The following CDH13 variants were observed in gnomAD, a reference collection of about 807,000 sequenced individuals.
CDH13 encodes the protein cadherin-13.
A neutral mutation model predicts 63.8 loss-of-function variants in CDH13; 24 were observed. The ratio of observed to expected loss-of-function variants is 0.38; its 90% CI spans 0.27 to 0.53. CDH13 has a LOEUF of 0.53. Among genes scored for constraint, CDH13 ranks in the 20% least tolerant of loss-of-function variants. The probability of loss-of-function intolerance (pLI) is 0.85; values close to 1 mark genes in which losing one functional copy is unlikely to be tolerated. For synonymous variants in CDH13, 503 were observed against 355.3 expected (o/e 1.42, Z -4.67); for missense variants, 1,049 against 903.1 (o/e 1.16, Z -2.07).
At chr16:82,835,876 T>G (rs1846471899) in intron 1 of CDH13, among the ~76,000 whole-genome samples, 1 of 152,174 alleles carries the variant, frequency 6.6e-6, no homozygotes, top group African/African-American at 2.4e-5. Flanking sequence ...ATGTATGTCT[T>G]GATCACACCA....
chr16:82,724,970 A>C (rs1191600438), intron 1 of CDH13, among the ~76,000 whole-genome samples: 1 of 152,246 alleles, frequency 6.6e-6, no homozygotes, highest in Non-Finnish European at 1.5e-5. Context: ...TAAAGATTAA[A>C]TAAGATGGCT....
Position 83,052,764 on chromosome 16 carries a change from G to A in CDH13, c.366+20546G>A, listed in dbSNP as rs184445013. Among the ~76,000 whole-genome samples, 785 of 114,156 alleles carry A rather than the reference G, an allele frequency of 6.9e-3. 21 individuals carry two copies. Among genetic ancestry groups the A allele is most frequent in the Admixed American group, 0.052 (496 of 9,558 alleles). 74.9% of individuals were successfully genotyped at this position (114,156 alleles called of 152,430 possible). A position where few individuals can be genotyped will look rare whatever the true frequency, so the allele number is the denominator to read the frequency against. On this transcript the variant is annotated intron_variant, in intron 3 of 13. Transcript: ENST00000567109. ...TGCACTCCAGCCTGGGTGACAGGGC[G>A]AGACTTTATCTCAAAAAAAAAAAAA...
intron 1 of CDH13, among the ~76,000 whole-genome samples, chr16:82,693,939 G>T (rs1163467499): frequency 1.3e-5 from 2 of 152,190 alleles, no homozygotes; most frequent in African/African-American, 4.8e-5. Flanking sequence ...CTAAGGTACA[G>T]TGAAGGCCTG....
At chr16:82,985,103 T>G (rs1398262584) in intron 2 of CDH13, among the ~76,000 whole-genome samples, 1 of 152,216 alleles carries the variant, frequency 6.6e-6, no homozygotes, top group Non-Finnish European at 1.5e-5. Flanking sequence ...GGTCAGTAAG[T>G]AATAGTAGTT....
At chr16:83,654,966 C>T (rs1386366593) in intron 8 of CDH13, 1 of 152,264 alleles carries the variant, frequency 6.6e-6, no homozygotes, top group African/African-American at 2.4e-5. Flanking sequence ...CATCAGCCCA[C>T]CTGCTTCCTG....
intron 6 of CDH13, chr16:83,397,910 G>A (rs2091911804): frequency 6.6e-6 from 1 of 152,190 alleles, no homozygotes; most frequent in South Asian, 2.1e-4. Flanking sequence ...GAACTGACCT[G>A]GAACAATTTA....
rs1293907878 is a variant in CDH13, at chr16:83,637,272, G to A, written c.1102-33518G>A. ...GATCTCGGGAGGAGCCAAGATGGCC[G>A]AATAGGAACAGCTCCGGTCTACAGC... is the stretch of plus-strand genomic sequence containing the variant. On this transcript the variant is annotated intron_variant, in intron 8 of 13. Coordinates refer to ENST00000567109, the MANE Select transcript of CDH13 (RefSeq NM_001257.5). 3.8e-5 allele frequency among the ~76,000 whole-genome samples: 4 copies of A among 103,906 alleles called. 1 individual carries two copies. Among genetic ancestry groups the A allele is most frequent in the Non-Finnish European group, 5.6e-5 (3 of 53,292 alleles). 68.2% of individuals were successfully genotyped at this position (103,906 alleles called of 152,430 possible).
At chr16:83,263,742 A>G (rs560225484) in intron 5 of CDH13, among the ~76,000 whole-genome samples, 3 of 152,204 alleles carry the variant, frequency 2.0e-5, no homozygotes, top group African/African-American at 7.2e-5. Flanking sequence ...AGGCAGGGAG[A>G]GTGGCAGAGA....
At chr16:83,023,290 T>C (rs1915509093) in intron 2 of CDH13, among the ~76,000 whole-genome samples, 1 of 149,164 alleles carries the variant, frequency 6.7e-6, no homozygotes. Context: ...CCAGGTGGGG[T>C]GTTTTCACTA....
At position 82,685,965 on chromosome 16, in the gene CDH13, G is replaced by A. The variant is rs576704155; in HGVS notation, c.45+58828G>A. On this transcript the variant is annotated intron_variant, in intron 1 of 13. Coordinates refer to ENST00000567109, the MANE Select transcript of CDH13 (RefSeq NM_001257.5). ...TCTAGTGGTTAAATCATGATGAATA[G>A]GCACAGAGAGCTGATAATTAAGGTA... Among the ~76,000 whole-genome samples the A allele has an allele frequency of 1.9e-3, 287 of 152,254 alleles. 1 individual carries two copies. The highest frequency in any genetic ancestry group is 6.7e-3 in the African/African-American group (279 of 41,540).
chr16:83,057,858 T>C (rs8044036), intron 3 of CDH13, among the ~76,000 whole-genome samples: 22,574 of 152,182 alleles, frequency 0.15, 1,764 homozygotes, highest in Middle Eastern at 0.17. Flanking sequence ...GAAAGAAAAA[T>C]GCTGACGCTT....
intron 2 of CDH13, among the ~76,000 whole-genome samples, chr16:82,936,684 G>A (rs2042677778): frequency 6.6e-6 from 1 of 152,122 alleles, no homozygotes; most frequent in African/African-American, 2.4e-5. Context: ...CGTTCATATT[G>A]AAACATTTGT....
At chr16:82,782,807 G>T (rs1317211489) in intron 1 of CDH13, among the ~76,000 whole-genome samples, 2 of 152,190 alleles carry the variant, frequency 1.3e-5, no homozygotes, top group African/African-American at 2.4e-5. Flanking sequence ...AATCCTGACA[G>T]GAGCAGGCTG....
chr16:82,898,062 C>T (rs1341938021), intron 2 of CDH13, among the ~76,000 whole-genome samples: 1 of 152,094 alleles, frequency 6.6e-6, no homozygotes, highest in South Asian at 2.1e-4. Flanking sequence ...ATATACAGTT[C>T]TCAAAGAGTG....
chr16:83,216,443 T>TACACATAC (rs1555513922), intron 4 of CDH13, among the ~76,000 whole-genome samples: 3 of 93,418 alleles, frequency 3.2e-5, no homozygotes, highest in African/African-American at 1.2e-4. Flanking sequence ...TATATATATA[T>TACACATAC]ACACAACCCT....
intron 4 of CDH13, among the ~76,000 whole-genome samples, chr16:83,159,738 C>A (rs1477703963): frequency 6.6e-6 from 1 of 152,140 alleles, no homozygotes; most frequent in East Asian, 1.9e-4. Flanking sequence ...GCCTGTCAAG[C>A]ATATAAAACT....
chr16:83,200,154 A>G (rs7198281), intron 4 of CDH13, among the ~76,000 whole-genome samples: 25,872 of 152,014 alleles, frequency 0.17, 2,569 homozygotes, highest in African/African-American at 0.25. Context: ...CTCAGAGTCT[A>G]TGTGGTGCTG....
At chr16:83,421,275 C>T (rs1409916356) in intron 6 of CDH13, among the ~76,000 whole-genome samples, 1 of 152,032 alleles carries the variant, frequency 6.6e-6, no homozygotes, top group East Asian at 1.9e-4. Context: ...ATTGTTTAAG[C>T]TATATTAAGC....
chr16:82,775,753 C>T (rs1003412705), intron 1 of CDH13, among the ~76,000 whole-genome samples: 2 of 152,180 alleles, frequency 1.3e-5, no homozygotes, highest in African/African-American at 4.8e-5. Flanking sequence ...AAGCTCTGAG[C>T]ACAGGGCCAG....
Sources: gnomAD v4.1 joint callset for allele counts (sites outside exome capture counted in the v4.1 genomes callset) on GRCh38, gnomAD v4.1.1 for gene constraint, MANE v1.5 for transcripts, NCBI Gene and HGNC (gene_info 2026-07-23, HGNC 2026-07-21) for gene names.